IREB2: variants seen among roughly 807,000 people sequenced by gnomAD.
The protein encoded by IREB2 is iron-responsive element-binding protein 2.
A neutral mutation model predicts 118.8 loss-of-function variants in IREB2; 39 were observed. The observed-to-expected ratio is 0.33, with a 90% CI of 0.25 to 0.43. IREB2 has a LOEUF of 0.43. Among genes scored for constraint, IREB2 ranks in the 20% least tolerant of loss-of-function variants. IREB2 has a pLI of 1.00. For synonymous variants in IREB2, 372 were observed against 392.2 expected, an observed-to-expected ratio of 0.95 and a Z score of 0.61; for missense variants, 900 against 1,147.3, an observed-to-expected ratio of 0.78 and a Z score of 3.11.
chr15:78,480,064 T>C (rs368241870), intron 10 of IREB2: 3 of 152,322 alleles, frequency 2.0e-5, no homozygotes, highest in East Asian at 3.9e-4. Context: ...TGGTTAACTG[T>C]TCATTAAACT....
intron 10 of IREB2, among the ~76,000 whole-genome samples, chr15:78,482,890 G>A (rs572010673): frequency 6.6e-6 from 1 of 152,206 alleles, no homozygotes; most frequent in African/African-American, 2.4e-5. Context: ...TGGGACTACA[G>A]GCGCCCACCA....
chr15:78,476,490 C>G, intron 9 of IREB2, 131 bp downstream of exon 9: 1 of 615,166 alleles, frequency 1.6e-6, no homozygotes, highest in Non-Finnish European at 2.6e-6. Context: ...CAACAACTTT[C>G]AAGCAAACAT....
chr15:78,450,450 G>A (rs1436717477), intron 2 of IREB2, among the ~76,000 whole-genome samples: 1 of 152,238 alleles, frequency 6.6e-6, no homozygotes, highest in African/African-American at 2.4e-5. Context: ...TAACAGAGAA[G>A]TATATTGGTT....
intron 2 of IREB2, among the ~76,000 whole-genome samples, chr15:78,455,225 G>A (rs1250090725): frequency 6.6e-6 from 1 of 152,180 alleles, no homozygotes; most frequent in African/African-American, 2.4e-5. Flanking sequence ...CGAGTAAGGA[G>A]AAAGTCCCCA....
chr15:78,490,405 G>GA lies in IREB2; in HGVS notation c.2077-13dup, dbSNP rs1360167722. The GA allele has an allele frequency of 3.8e-5, 59 of 1,549,542 alleles. No individual in the cohort carries two copies. The highest frequency in any genetic ancestry group is 5.1e-5 in the Non-Finnish European group (59 of 1,146,422). On this transcript the variant is annotated splice_polypyrimidine_tract_variant and intron_variant, in intron 16 of 21. Coordinates refer to ENST00000258886, the MANE Select transcript of IREB2 (RefSeq NM_004136.4). Reference sequence around the variant, plus strand: ...TTTATCTTTGCTTTGGTTCATCAACGAAAACTGTATTCACAGATGGGGAAT... The same window carrying GA: ...TTTATCTTTGCTTTGGTTCATCAACGAAAAACTGTATTCACAGATGGGGAAT...
At chr15:78,446,738 CT>C (rs971589258) in intron 2 of IREB2, among the ~76,000 whole-genome samples, 2 of 152,012 alleles carry the variant, frequency 1.3e-5, no homozygotes, top group African/African-American at 4.8e-5. Context: ...TCTCACAAGA[CT>C]TTTGGTCATC....
At chr15:78,495,873 A>T (rs2051829875) in intron 20 of IREB2, among the ~76,000 whole-genome samples, 1 of 152,130 alleles carries the variant, frequency 6.6e-6, no homozygotes, top group African/African-American at 2.4e-5. Context: ...AATTTGGGGG[A>T]AAAAAGTCTT....
intron 10 of IREB2, among the ~76,000 whole-genome samples, chr15:78,482,322 T>C (rs953408469): frequency 2.6e-5 from 4 of 152,198 alleles, no homozygotes; most frequent in African/African-American, 9.6e-5. Flanking sequence ...AAAGCCATGA[T>C]GAAAAGTTTC....
At chr15:78,495,044 G>A (rs540026134) in intron 20 of IREB2, among the ~76,000 whole-genome samples, 1 of 152,224 alleles carries the variant, frequency 6.6e-6, no homozygotes, top group South Asian at 2.1e-4. Flanking sequence ...CTGTTTCCTT[G>A]TTGCAGAGCA....
intron 17 of IREB2, 34 bp from the exon 18 acceptor site, chr15:78,490,585 A>G: frequency 1.2e-6 from 2 of 1,611,102 alleles, no homozygotes; most frequent in East Asian, 2.2e-5. Flanking sequence ...GAAGTCTTGT[A>G]AAGAGTTAAA....
rs981241651 is a variant in IREB2, at chr15:78,500,281, T to G, written c.*2138T>G. The G allele has an allele frequency of 6.6e-6, 1 of 152,300 alleles. No individual in the cohort carries two copies. The highest frequency in any genetic ancestry group is 2.1e-4 in the South Asian group (1 of 4,824). 9.4% of individuals were successfully genotyped at this position (152,300 alleles called of 1,614,324 possible). On this transcript the variant is annotated 3_prime_UTR_variant, in exon 22 of 22. Coordinates refer to ENST00000258886, the MANE Select transcript of IREB2 (RefSeq NM_004136.4). The stretch of plus-strand genomic sequence containing the variant: ...ACATTCACATATCCAGTCTACCTGG[T>G]CCAGTAATAATACAAGCAAATCTTG...
At position 78,500,796 on chromosome 15, in the gene IREB2, T is replaced by C. The variant is rs1046688462; in HGVS notation, c.*2653T>C. 7 of 152,244 alleles carry C rather than the reference T, an allele frequency of 4.6e-5. No individual in the cohort carries two copies. The highest frequency in any genetic ancestry group is 1.0e-4 in the Non-Finnish European group (7 of 68,040). The allele number at this position is 152,244 out of a possible 1,614,324, so 9.4% of individuals were successfully genotyped here. ...TAAAAAGTTTCTAAGATGACAGTTA[T>C]CACTATTTTGTTTTATCTCCATGCT... On this transcript the variant is annotated 3_prime_UTR_variant, in exon 22 of 22. Transcript: ENST00000258886.
At chr15:78,461,115 AG>A (rs2051189761) in intron 2 of IREB2, among the ~76,000 whole-genome samples, 3 of 152,172 alleles carry the variant, frequency 2.0e-5, no homozygotes, top group Admixed American at 1.3e-4. Flanking sequence ...CACCCTACCT[AG>A]GTGGTTTAAC....
intron 2 of IREB2, among the ~76,000 whole-genome samples, chr15:78,444,785 C>G (rs1044043434): frequency 6.6e-6 from 1 of 152,020 alleles, no homozygotes; most frequent in Non-Finnish European, 1.5e-5. Flanking sequence ...TCATGAACAT[C>G]TTTCCATGTC....
intron 3 of IREB2, among the ~76,000 whole-genome samples, 188 bp downstream of exon 3, chr15:78,463,275 CA>C (rs906730758): frequency 2.6e-5 from 4 of 151,876 alleles, no homozygotes; most frequent in African/African-American, 7.3e-5. Flanking sequence ...GCTGTCTGTA[CA>C]AAAAAATTTT....
At chr15:78,446,718 G>C (rs1324535077) in intron 2 of IREB2, among the ~76,000 whole-genome samples, 1 of 152,008 alleles carries the variant, frequency 6.6e-6, no homozygotes, top group African/African-American at 2.4e-5. Context: ...AATTGCCCCA[G>C]TGTCTCCTTT....
chr15:78,476,536 T>C lies in IREB2; in HGVS notation c.1195+177T>C, dbSNP rs114797188. On this transcript the variant is annotated intron_variant, in intron 9 of 21. Transcript: ENST00000258886. ...TAAAGAGTGTTGTGTCCTCAAACCCTAGTTCCCTGTGACACATTGAAAGCA... is the reference window on the plus strand; with the variant it reads ...TAAAGAGTGTTGTGTCCTCAAACCCCAGTTCCCTGTGACACATTGAAAGCA... The C allele has an allele frequency of 4.9e-3, 2,175 of 447,842 alleles. 47 individuals carry two copies. The highest frequency in any genetic ancestry group is 0.038 in the African/African-American group (1,954 of 51,198). 27.7% of individuals were successfully genotyped at this position (447,842 alleles called of 1,614,324 possible).
rs759330170 is a variant in IREB2, at chr15:78,499,732, A to G, written c.*1589A>G. The G allele has an allele frequency of 3.9e-5, 6 of 152,236 alleles. No homozygotes were observed. The highest frequency in any genetic ancestry group is 7.3e-5 in the Non-Finnish European group (5 of 68,042). 9.4% of individuals were successfully genotyped at this position (152,236 alleles called of 1,614,324 possible). ...ATGCTGTATATTTATTTGTTAGTGC[A>G]TGTGTTTTTAATTTACATGAAAACA... On this transcript the variant is annotated 3_prime_UTR_variant, in exon 22 of 22. Coordinates refer to ENST00000258886, the MANE Select transcript of IREB2 (RefSeq NM_004136.4).
intron 2 of IREB2, among the ~76,000 whole-genome samples, chr15:78,462,712 G>T (rs571208277): frequency 6.6e-6 from 1 of 152,042 alleles, no homozygotes; most frequent in East Asian, 1.9e-4. Flanking sequence ...TTTTTTCAAG[G>T]CTTTGAGGTT....
Sources: gnomAD v4.1 joint callset for allele counts (sites outside exome capture counted in the v4.1 genomes callset) on GRCh38, gnomAD v4.1.1 for gene constraint, MANE v1.5 for transcripts, NCBI Gene and HGNC (gene_info 2026-07-23, HGNC 2026-07-21) for gene names.